The following TUSC3 variants were observed in gnomAD, a reference collection of about 807,000 sequenced individuals.
The protein encoded by TUSC3 is dolichyl-diphosphooligosaccharide--protein glycosyltransferase subunit TUSC3.
In TUSC3, 45 loss-of-function variants were observed where a neutral mutation model predicts 44.8. That is an observed-to-expected ratio of 1.00 (90% CI 0.79 to 1.29). The LOEUF is 1.29. TUSC3 is among the 50% of genes most tolerant of loss of function. The pLI is 0.00. For synonymous variants in TUSC3, 212 were observed against 152.9 expected (o/e 1.39, Z -2.85); for missense variants, 519 against 437.9 (o/e 1.19, Z -1.65).
At chr8:15,616,056 A>C (rs981687910) in intron 1 of TUSC3, among the ~76,000 whole-genome samples, 1 of 152,192 alleles carries the variant, frequency 6.6e-6, no homozygotes, top group African/African-American at 2.4e-5. Context: ...AGGCTGGTGT[A>C]GGAATAAGTT....
In TUSC3 at chr8:15,424,212, C is replaced by G. The variant is rs141038249; in HGVS notation, n.91+6907C>G. Among the ~76,000 whole-genome samples the G allele has an allele frequency of 1.5e-3, 225 of 151,862 alleles. 1 individual carries two copies. The highest frequency in any genetic ancestry group is 5.1e-3 in the African/African-American group (211 of 41,436). On this transcript the variant is annotated intron_variant and non_coding_transcript_variant, in intron 1 of 5. Transcript: ENST00000503191. ...CCATGTTAGCCAGGATAGTGTCTAT[C>G]TCTTGACCTTGTGATCTGCCCCCTT...
chr8:15,633,896 C>A (rs1196301740), intron 2 of TUSC3, among the ~76,000 whole-genome samples: 1 of 152,128 alleles, frequency 6.6e-6, no homozygotes, highest in Non-Finnish European at 1.5e-5. Flanking sequence ...GATACACCAC[C>A]TTTTACCTAC....
the TUSC3 span, among the ~76,000 whole-genome samples, chr8:15,844,089 G>A: frequency 2.6e-5 from 4 of 152,026 alleles, no homozygotes; most frequent in African/African-American, 7.2e-5. Context: ...AAGGAACAAT[G>A]GTCCTGTCCC....
chr8:15,778,870 A>T, the TUSC3 span, among the ~76,000 whole-genome samples: 1 of 152,222 alleles, frequency 6.6e-6, no homozygotes, highest in Non-Finnish European at 1.5e-5. Context: ...TAGATACAGA[A>T]CAATGACTAC....
intron 1 of TUSC3, among the ~76,000 whole-genome samples, chr8:15,420,712 G>C (rs1008355595): frequency 2.0e-5 from 3 of 151,900 alleles, no homozygotes; most frequent in Non-Finnish European, 4.4e-5. Flanking sequence ...TACCTCTCTG[G>C]AGGTTACCAG....
At chr8:15,493,483 G>A (rs891818191) in intron 2 of TUSC3, among the ~76,000 whole-genome samples, 2 of 151,964 alleles carry the variant, frequency 1.3e-5, no homozygotes, top group East Asian at 1.9e-4. Flanking sequence ...AGCCGGTCTC[G>A]AACTCCTGGC....
chr8:15,608,509 G>A (rs1286532831), intron 1 of TUSC3, among the ~76,000 whole-genome samples: 1 of 151,962 alleles, frequency 6.6e-6, no homozygotes, highest in Non-Finnish European at 1.5e-5. Flanking sequence ...TTTTACCTTT[G>A]TATATTGATA....
intron 2 of TUSC3, among the ~76,000 whole-genome samples, chr8:15,529,699 A>T (rs1018054): frequency 6.6e-6 from 1 of 151,418 alleles, no homozygotes; most frequent in Non-Finnish European, 1.5e-5. Flanking sequence ...TGGTTTTCAA[A>T]CTGTGTTATT....
At chr8:15,533,712 C>G (rs546261625) in intron 2 of TUSC3, among the ~76,000 whole-genome samples, 2 of 152,312 alleles carry the variant, frequency 1.3e-5, no homozygotes, top group East Asian at 3.9e-4. Flanking sequence ...GTCAGGAGCA[C>G]TGTCTCTTAC....
chr8:15,581,906 G>T (rs1585122805), intron 1 of TUSC3, among the ~76,000 whole-genome samples: 1 of 143,872 alleles, frequency 7.0e-6, no homozygotes, highest in Non-Finnish European at 1.5e-5. Context: ...CCCTCCCCCA[G>T]CCTCGCTGCC....
At chr8:15,777,102 C>T in the TUSC3 span, among the ~76,000 whole-genome samples, 1 of 152,050 alleles carries the variant, frequency 6.6e-6, no homozygotes, top group African/African-American at 2.4e-5. Context: ...CTTTGAAGAA[C>T]AGGAAACAAA....
At chr8:15,661,497 T>A (rs1454447782) in intron 4 of TUSC3, among the ~76,000 whole-genome samples, 2 of 151,992 alleles carry the variant, frequency 1.3e-5, no homozygotes, top group Non-Finnish European at 2.9e-5. Flanking sequence ...TCCTTGAGTA[T>A]AATATTACAT....
chr8:15,556,649 A>T (rs998195717), intron 1 of TUSC3, among the ~76,000 whole-genome samples: 66 of 146,292 alleles, frequency 4.5e-4, no homozygotes, highest in African/African-American at 1.6e-3. Context: ...CTTTCTCCAC[A>T]TCCTCTCCAG....
chr8:15,841,182 TAC>T, the TUSC3 span, among the ~76,000 whole-genome samples: 2 of 152,012 alleles, frequency 1.3e-5, no homozygotes, highest in Middle Eastern at 3.4e-3. Context: ...TATATATATA[TAC>T]ACACACACAT....
chr8:15,482,414 C>T (rs1367144804), intron 1 of TUSC3, among the ~76,000 whole-genome samples: 1 of 152,176 alleles, frequency 6.6e-6, no homozygotes, highest in East Asian at 1.9e-4. Context: ...TGCTCAGATC[C>T]ATCAAGGCAG....
intron 1 of TUSC3, among the ~76,000 whole-genome samples, chr8:15,481,540 G>T (rs1357768160): frequency 2.0e-5 from 3 of 152,056 alleles, no homozygotes; most frequent in Non-Finnish European, 2.9e-5. Context: ...CATTTTCTCA[G>T]CATTCCACAG....
At chr8:15,792,154 C>T in the TUSC3 span, among the ~76,000 whole-genome samples, 1 of 151,928 alleles carries the variant, frequency 6.6e-6, no homozygotes, top group African/African-American at 2.4e-5. Context: ...ACCCTCTACC[C>T]ACCTTTAATG....
At chr8:15,516,497 T>C (rs2129128773) in intron 2 of TUSC3, among the ~76,000 whole-genome samples, 1 of 152,264 alleles carries the variant, frequency 6.6e-6, no homozygotes, top group East Asian at 1.9e-4. Context: ...GTGATATTTT[T>C]CCCCCTGAAA....
chr8:15,574,143 A>G (rs1037757411), intron 1 of TUSC3, among the ~76,000 whole-genome samples: 3 of 152,104 alleles, frequency 2.0e-5, no homozygotes, highest in Admixed American at 1.3e-4. Flanking sequence ...TTGTCAATCC[A>G]TTTCACAGTC....
Sources: gnomAD v4.1 joint callset for allele counts (sites outside exome capture counted in the v4.1 genomes callset) on GRCh38, gnomAD v4.1.1 for gene constraint, MANE v1.5 for transcripts, NCBI Gene and HGNC (gene_info 2026-07-23, HGNC 2026-07-21) for gene names.